Variants in MYO10 observed in about 807,000 individuals in gnomAD.
MYO10 encodes myosin X.
MYO10 carries 133 observed loss-of-function variants against 257.3 expected under a neutral mutation model. That is an observed-to-expected ratio of 0.52 (90% CI 0.45 to 0.60). The LOEUF is 0.60. Ranked by LOEUF, MYO10 falls within the 20% of genes least tolerant of loss-of-function variation. The pLI is 0.00. For missense variants in MYO10, 2,399 were observed against 2,635.7 expected (o/e 0.91, Z 1.97); for synonymous variants, 1,104 against 1,028.6 (o/e 1.07, Z -1.40).
chr5:16,886,828 A>G (rs1744910245), intron 1 of MYO10, among the ~76,000 whole-genome samples: 1 of 150,574 alleles, frequency 6.6e-6, no homozygotes, highest in African/African-American at 2.4e-5. Flanking sequence ...GCTACTTGGG[A>G]GTCTGAAGCA....
intron 2 of MYO10, among the ~76,000 whole-genome samples, chr5:16,855,357 GC>G (rs1160019204): frequency 1.3e-5 from 2 of 152,074 alleles, no homozygotes; most frequent in African/African-American, 2.4e-5. Flanking sequence ...GTCTACACTC[GC>G]TGGTGCTACC....
chr5:16,928,015 G>A (rs1746184825), intron 1 of MYO10, among the ~76,000 whole-genome samples: 1 of 152,144 alleles, frequency 6.6e-6, no homozygotes, highest in East Asian at 1.9e-4. Context: ...TAGGTGATAT[G>A]AAGAAACTCC....
At chr5:16,667,563 C>G (rs193078361) in intron 40 of MYO10, among the ~76,000 whole-genome samples, 1 of 152,174 alleles carries the variant, frequency 6.6e-6, no homozygotes, top group African/African-American at 2.4e-5. Context: ...CACCTGGGAC[C>G]CTTGAGTCAA....
intron 33 of MYO10, among the ~76,000 whole-genome samples, chr5:16,678,405 C>A (rs2126487491): frequency 6.6e-6 from 1 of 152,160 alleles, no homozygotes; most frequent in East Asian, 2.0e-4. Context: ...CATGGTGAAA[C>A]CCCATCTCTA....
rs761389733 is a variant in MYO10, at chr5:16,701,257, A to G, written c.3138T>C (p.Ser1046=). 6.2e-6 allele frequency: 10 copies of G among 1,613,544 alleles called. No individual in the cohort carries two copies. The highest frequency in any genetic ancestry group is 7.6e-6 in the Non-Finnish European group (9 of 1,179,768). Residue 1046 remains serine, a synonymous_variant, in exon 25 of 41, where the codon AGT becomes AGC. Transcript: ENST00000513610. The surrounding 1 kb of genome is among the most constrained non-coding windows in gnomAD (Gnocchi z 8.1). ...GGGCGAGCAGCACCGTGCTGTCCGC[A>G]CTGGGGCTGGTGGGCACCACCGTGT... ...MNDTVVPTSP[S]ADSTVLLAPS...
At chr5:16,761,657 T>C (rs1430928724) in intron 16 of MYO10, 111 bp from the exon 17 acceptor site, 11 of 838,280 alleles carry the variant, frequency 1.3e-5, no homozygotes, top group Non-Finnish European at 1.7e-5. Context: ...AATTTATTTA[T>C]TTATTTTTTA....
At chr5:16,753,775 T>C (rs531458525) in intron 19 of MYO10, among the ~76,000 whole-genome samples, 1 of 152,226 alleles carries the variant, frequency 6.6e-6, no homozygotes, top group African/African-American at 2.4e-5. Context: ...CCGGCTACTG[T>C]GGTTCTTATA....
intron 11 of MYO10, among the ~76,000 whole-genome samples, chr5:16,765,830 T>C (rs1740845730): frequency 6.6e-6 from 1 of 152,180 alleles, no homozygotes. Context: ...AGTCAGGCAA[T>C]CTGCATTCGA....
In MYO10 at chr5:16,699,712, A is replaced by C. The variant is rs1013120919; in HGVS notation, c.3433-139T>G. Reference sequence around the variant, plus strand: ...TGAGGCAGCAGAATCACTCGAACCCAGGAGGCAGTGACTGCACTGAGCAGA... The same window carrying C: ...TGAGGCAGCAGAATCACTCGAACCCCGGAGGCAGTGACTGCACTGAGCAGA... On this transcript the variant is annotated intron_variant, in intron 25 of 40. Coordinates refer to ENST00000513610, the MANE Select transcript of MYO10 (RefSeq NM_012334.3). 1.4e-5 allele frequency: 14 copies of C among 1,029,922 alleles called. No homozygotes were observed. In the Admixed American group the frequency reaches 2.9e-4, roughly 21 times the overall value. The allele number at this position is 1,029,922 out of a possible 1,614,324, so 63.8% of individuals were successfully genotyped here.
intron 40 of MYO10, among the ~76,000 whole-genome samples, chr5:16,667,336 C>G: frequency 6.6e-6 from 1 of 152,282 alleles, no homozygotes; most frequent in East Asian, 1.9e-4. Context: ...CATTAGCTCC[C>G]TCCCATGATG....
chr5:16,681,248 C>G, intron 32 of MYO10, 61 bp downstream of exon 32: 1 of 1,502,376 alleles, frequency 6.7e-7, no homozygotes, highest in East Asian at 2.3e-5. Flanking sequence ...TATTCCTTTG[C>G]CCGGAGCAAG....
intron 19 of MYO10, among the ~76,000 whole-genome samples, chr5:16,743,045 G>A (rs1278856986): frequency 3.3e-5 from 5 of 152,196 alleles, no homozygotes; most frequent in South Asian, 4.1e-4. Context: ...TCTTGAACCC[G>A]GGAGACGGAG....
At chr5:16,934,517 G>C (rs1460783093) in intron 1 of MYO10, among the ~76,000 whole-genome samples, 1 of 152,190 alleles carries the variant, frequency 6.6e-6, no homozygotes, top group Admixed American at 6.5e-5. Flanking sequence ...GGTGCCTTTC[G>C]ACAAGCATGA....
At chr5:16,822,709 ACGGAGT>A in intron 2 of MYO10, among the ~76,000 whole-genome samples, 1 of 142,616 alleles carries the variant, frequency 7.0e-6, no homozygotes. Context: ...TTTTTTTGAG[ACGGAGT>A]CTCCCTCTGT....
At chr5:16,816,184 CAAAAATTAGCTGGGCGTGGT>C (rs934235204) in intron 3 of MYO10, among the ~76,000 whole-genome samples, 9 of 151,438 alleles carry the variant, frequency 5.9e-5, no homozygotes, top group Non-Finnish European at 1.2e-4. Context: ...ACTGAAAATA[CAAAAATTAGCTGGGCGTGGT>C]AGCACACGCC....
intron 18 of MYO10, among the ~76,000 whole-genome samples, chr5:16,756,345 C>G (rs1296411336): frequency 6.6e-6 from 1 of 152,212 alleles, no homozygotes; most frequent in African/African-American, 2.4e-5. Flanking sequence ...GGATTACAGG[C>G]ATGTGTCACC....
chr5:16,724,211 G>A (rs1739266353), intron 19 of MYO10, among the ~76,000 whole-genome samples: 1 of 152,156 alleles, frequency 6.6e-6, no homozygotes, highest in African/African-American at 2.4e-5. Context: ...AAGACTAAAA[G>A]CATAAAGAAC....
intron 18 of MYO10, among the ~76,000 whole-genome samples, chr5:16,756,755 C>T (rs1308377067): frequency 2.0e-5 from 3 of 152,070 alleles, no homozygotes; most frequent in Non-Finnish European, 4.4e-5. Context: ...GAAAGCTCAC[C>T]CACCCTTTTC....
intron 33 of MYO10, among the ~76,000 whole-genome samples, chr5:16,677,618 T>G (rs1736797221): frequency 6.6e-6 from 1 of 151,820 alleles, no homozygotes; most frequent in Non-Finnish European, 1.5e-5. Flanking sequence ...GGTTTCACCG[T>G]GTTAGCCAGG....
Sources: gnomAD v4.1 joint callset for allele counts (sites outside exome capture counted in the v4.1 genomes callset) on GRCh38, gnomAD v4.1.1 for gene constraint, Gnocchi (gnomAD v3.1) non-coding constraint, MANE v1.5 for transcripts, NCBI Gene and HGNC (gene_info 2026-07-23, HGNC 2026-07-21) for gene names.